KCNH5: variants seen among roughly 807,000 people sequenced by gnomAD.
KCNH5 encodes the protein voltage-gated delayed rectifier potassium channel KCNH5.
A neutral mutation model predicts 96.1 loss-of-function variants in KCNH5; 46 were observed. That is an observed-to-expected ratio of 0.48 (90% CI 0.38 to 0.61). KCNH5 has a LOEUF of 0.61. Ranked by LOEUF, KCNH5 falls within the 20% of genes least tolerant of loss-of-function variation. The pLI is 0.00. For synonymous variants in KCNH5, 439 were observed against 449.8 expected (o/e 0.98, Z 0.30); for missense variants, 907 against 1,225.8 (o/e 0.74, Z 3.88).
intron 10 of KCNH5, among the ~76,000 whole-genome samples, chr14:62,720,998 T>G (rs766419345): frequency 2.6e-5 from 4 of 152,190 alleles, no homozygotes; most frequent in Non-Finnish European, 5.9e-5. Context: ...TGCGGACTGG[T>G]CTATAGCAGT....
chr14:62,809,080 T>C (rs1408295758), intron 8 of KCNH5, among the ~76,000 whole-genome samples: 2 of 152,154 alleles, frequency 1.3e-5, no homozygotes, highest in Non-Finnish European at 2.9e-5. Context: ...AAAACGTTGC[T>C]GAGCCTTTGT....
intron 7 of KCNH5, among the ~76,000 whole-genome samples, chr14:62,864,178 A>C (rs1405942534): frequency 1.3e-5 from 2 of 152,172 alleles, no homozygotes; most frequent in South Asian, 2.1e-4. Context: ...TAAAGAAGCA[A>C]ATTTTTTAAA....
chr14:62,720,631 T>C (rs1249755368), intron 10 of KCNH5, among the ~76,000 whole-genome samples: 1 of 152,134 alleles, frequency 6.6e-6, no homozygotes, highest in Admixed American at 6.6e-5. Context: ...AGATATTATG[T>C]TAACTTAGAT....
At chr14:63,015,292 A>G (rs1368798385) in intron 2 of KCNH5, among the ~76,000 whole-genome samples, 1 of 152,050 alleles carries the variant, frequency 6.6e-6, no homozygotes, top group East Asian at 1.9e-4. Context: ...AGTAGGTTTA[A>G]GCGGGGTAGG....
intron 7 of KCNH5, among the ~76,000 whole-genome samples, chr14:62,938,373 C>T (rs888301994): frequency 2.0e-5 from 3 of 152,318 alleles, no homozygotes; most frequent in East Asian, 1.9e-4. Context: ...GGAGGGCTAA[C>T]TCAGTTGTCA....
intron 8 of KCNH5, among the ~76,000 whole-genome samples, chr14:62,813,825 AC>A (rs1279990116): frequency 6.6e-6 from 1 of 152,196 alleles, no homozygotes; most frequent in Non-Finnish European, 1.5e-5. Flanking sequence ...GTAGCTCTTT[AC>A]AGGAATTTAA....
At chr14:62,915,483 C>A (rs1422342428) in intron 7 of KCNH5, among the ~76,000 whole-genome samples, 1 of 152,096 alleles carries the variant, frequency 6.6e-6, no homozygotes, top group Admixed American at 6.5e-5. Flanking sequence ...ATTAAAAATG[C>A]ACATATAATA....
chr14:62,720,107 T>C (rs376377267), intron 10 of KCNH5, among the ~76,000 whole-genome samples: 1 of 152,172 alleles, frequency 6.6e-6, no homozygotes. Flanking sequence ...GAGCGAGATA[T>C]TCATGAATGA....
intron 10 of KCNH5, among the ~76,000 whole-genome samples, chr14:62,716,657 G>A (rs12372902): frequency 0.36 from 55,001 of 151,938 alleles, 10,460 homozygotes; most frequent in South Asian, 0.59. Flanking sequence ...TTCAGAGCCC[G>A]ATGCAAGATT....
At chr14:62,765,580 A>G (rs1885841935) in intron 10 of KCNH5, among the ~76,000 whole-genome samples, 2 of 152,176 alleles carry the variant, frequency 1.3e-5, no homozygotes, top group Admixed American at 1.3e-4. Flanking sequence ...GAGTAAACAG[A>G]CAACGTACAT....
intron 7 of KCNH5, among the ~76,000 whole-genome samples, chr14:62,918,379 T>A (rs1889316508): frequency 6.6e-6 from 1 of 152,042 alleles, no homozygotes; most frequent in Non-Finnish European, 1.5e-5. Context: ...TATAAAAATT[T>A]AAAATTTCTA....
intron 7 of KCNH5, among the ~76,000 whole-genome samples, chr14:62,861,622 C>G (rs1888034215): frequency 6.8e-6 from 1 of 146,470 alleles, no homozygotes. Context: ...CACATTTCCC[C>G]CCACCATCTC....
intron 6 of KCNH5, among the ~76,000 whole-genome samples, chr14:62,969,585 G>T (rs915114261): frequency 2.6e-5 from 4 of 151,820 alleles, no homozygotes; most frequent in Admixed American, 1.3e-4. Flanking sequence ...GGGGCCTGAT[G>T]GGGGGCTGCC....
In KCNH5 at chr14:62,874,916, C is replaced by T. The variant is rs1328198873; in HGVS notation, c.1370-25064G>A. ...AAGTCAAATTGTCCCTGTTTGCAGA[C>T]GACATCATTGTATATCTAGAAAACC... On this transcript the variant is annotated intron_variant, in intron 7 of 10. Coordinates refer to ENST00000322893, the MANE Select transcript of KCNH5 (RefSeq NM_139318.5). Among the ~76,000 whole-genome samples the T allele has an allele frequency of 5.4e-4, 79 of 145,332 alleles. 1 individual carries two copies. Among genetic ancestry groups the T allele is most frequent in the Admixed American group, 1.7e-3 (24 of 14,018 alleles).
Position 62,707,174 on chromosome 14 carries a change from T to G in KCNH5, c.*334A>C, listed in dbSNP as rs558857394. On this transcript the variant is annotated 3_prime_UTR_variant, in exon 11 of 11. Coordinates refer to ENST00000322893, the MANE Select transcript of KCNH5 (RefSeq NM_139318.5). The stretch of plus-strand genomic sequence containing the variant: ...TACATACTCAGCCTGAGATCAAATT[T>G]GTCATGGCAACATTGGCAGGTTGGA... 1.9e-5 allele frequency: 3 copies of G among 156,994 alleles called. No homozygotes were observed. The East Asian group carries it at 5.5e-4, about 29-fold the overall frequency. The allele number at this position is 156,994 out of a possible 1,614,324, so 9.7% of individuals were successfully genotyped here.
chr14:63,019,233 T>C (rs1891382951), intron 1 of KCNH5, among the ~76,000 whole-genome samples: 1 of 152,120 alleles, frequency 6.6e-6, no homozygotes, highest in Admixed American at 6.6e-5. Flanking sequence ...GGAATACCTT[T>C]CTTGGTCTTT....
chr14:62,767,296 C>G (rs1885881321), intron 10 of KCNH5, among the ~76,000 whole-genome samples: 1 of 152,172 alleles, frequency 6.6e-6, no homozygotes, highest in African/African-American at 2.4e-5. Context: ...ACAGAACTAC[C>G]ATTTGACCCA....
chr14:62,963,505 C>T (rs575278129), intron 6 of KCNH5, among the ~76,000 whole-genome samples: 1 of 152,166 alleles, frequency 6.6e-6, no homozygotes, highest in South Asian at 2.1e-4. Context: ...CAATTCAAGT[C>T]CAAAGACCTA....
chr14:63,023,833 A>T (rs2139615278), intron 1 of KCNH5, among the ~76,000 whole-genome samples: 1 of 152,338 alleles, frequency 6.6e-6, no homozygotes, highest in South Asian at 2.1e-4. Flanking sequence ...ATTTTAGAAA[A>T]TTTACAAATA....
Sources: gnomAD v4.1 joint callset for allele counts (sites outside exome capture counted in the v4.1 genomes callset) on GRCh38, gnomAD v4.1.1 for gene constraint, MANE v1.5 for transcripts, NCBI Gene and HGNC (gene_info 2026-07-23, HGNC 2026-07-21) for gene names.